The following TNS2 variants were observed in gnomAD, a reference collection of about 807,000 sequenced individuals.
TNS2 encodes the protein tensin 2.
TNS2 carries 77 observed loss-of-function variants against 155.7 expected under a neutral mutation model. The ratio of observed to expected loss-of-function variants is 0.49; its 90% CI spans 0.41 to 0.60. TNS2 has a LOEUF of 0.60. TNS2 is among the 20% of genes least tolerant of loss of function. The pLI is 0.00. For synonymous variants in TNS2, 726 were observed against 763.9 expected (o/e 0.95, Z 0.82); for missense variants, 1,703 against 1,868.8 (o/e 0.91, Z 1.64).
intron 6 of TNS2, 43 bp downstream of exon 6, chr12:53,054,057 G>A: frequency 6.2e-7 from 1 of 1,612,920 alleles, no homozygotes; most frequent in South Asian, 1.1e-5. Context: ...CCCCCTTTCC[G>A]CCGGCCCCAC....
rs1288173339 is a variant in TNS2 at position 53,063,034 on chromosome 12, TG to T, written c.3824-50del. On this transcript the variant is annotated intron_variant, in intron 25 of 28. Transcript: ENST00000314250. The surrounding 1 kb of genome is among the most constrained non-coding windows in gnomAD (Gnocchi z 5.6). ...TAGCTGGGGAATGTGCAAGAGCTGG[TG>T]GGGGTGGCTAGGGGATGGGCACTCC... The T allele has an allele frequency of 1.3e-6, 2 of 1,502,680 alleles. No homozygotes were observed. Among genetic ancestry groups the T allele is most frequent in the African/African-American group, 1.4e-5 (1 of 71,504 alleles). 93.1% of individuals were successfully genotyped at this position (1,502,680 alleles called of 1,614,324 possible).
chr12:53,058,031 A>G lies in TNS2; in HGVS notation c.1024A>G (p.Ile342Val). 2 of 1,613,976 alleles carry G rather than the reference A, an allele frequency of 1.2e-6. No individual in the cohort carries two copies. Among genetic ancestry groups the G allele is most frequent in the Non-Finnish European group, 8.5e-7 (1 of 1,180,002 alleles). The part of the protein sequence containing the change: ...QLVYTSGVYH[I>V]AGPGPQQLCI... Reference sequence around the variant, plus strand: ...CCTTCTCCTCTCTCCCCACAGTCACATTGCAGGCCCTGGTCCCCAGCAGCT... The same window carrying G: ...CCTTCTCCTCTCTCCCCACAGTCACGTTGCAGGCCCTGGTCCCCAGCAGCT... Residue 342 changes from isoleucine (I) to valine (V), a missense_variant, in exon 14 of 29, where the codon ATT (isoleucine) becomes GTT (valine). Ile to Val is a conservative substitution (Grantham distance 29). Transcript: ENST00000314250.
chr12:53,063,169 G>C lies in TNS2; in HGVS notation c.3904G>C (p.Ala1302Pro), dbSNP rs1944437479. Residue 1302 changes from alanine (A) to proline (P), a missense_variant, in exon 26 of 29, where the codon GCT becomes CCT. Physicochemically the swap from Ala to Pro is conservative, Grantham distance 27. Coordinates refer to ENST00000314250, the MANE Select transcript of TNS2 (RefSeq NM_170754.4). This position sits in a 1 kb window ranked among gnomAD's most constrained non-coding sequence, Gnocchi z 5.6. The stretch of plus-strand genomic sequence containing the variant: ...AGCTGTGGCCCGGGCCAGCTCTGCA[G>C]CTCTGAGCTGTAGCCCCCGCCCGAC... ...PQAVARASSA[A>P]LSCSPRPTPA... The C allele has an allele frequency of 1.2e-6, 2 of 1,611,832 alleles. No homozygotes were observed. The highest frequency in any genetic ancestry group is 1.7e-6 in the Non-Finnish European group (2 of 1,179,328).
chr12:53,054,189 C>T (rs559387049), intron 6 of TNS2, 81 bp from the exon 7 acceptor site: 3 of 1,596,442 alleles, frequency 1.9e-6, no homozygotes, highest in African/African-American at 1.3e-5. Context: ...TCACCTGCTG[C>T]CCAACAGACA....
At chr12:53,053,649 C>A in intron 4 of TNS2, 125 bp from the exon 5 acceptor site, 1 of 1,447,216 alleles carries the variant, frequency 6.9e-7, no homozygotes, top group Non-Finnish European at 9.4e-7. Context: ...TAGGACTCCT[C>A]TCCCCTTATC....
chr12:53,047,232 C>A (rs1445800687), upstream of TNS2, among the ~76,000 whole-genome samples: 1 of 142,912 alleles, frequency 7.0e-6, no homozygotes, highest in East Asian at 2.1e-4. Flanking sequence ...CAGCCGAGCC[C>A]GGCCGCCCGC....
chr12:53,060,748 C>G lies in TNS2; in HGVS notation c.2842C>G (p.Pro948Ala). ...QRLSPGEALP[P>A]VSQAGTGKAP... ...ACTGAGTCCTGGCGAGGCCTTGCCC[C>G]CTGTTTCCCAGGCAGGCACCGGAAA... The change falls in exon 20 of 29, where the codon CCT becomes GCT. Residue 948 changes from proline (P) to alanine (A), a missense_variant. Pro to Ala is a conservative substitution (Grantham distance 27, BLOSUM62 -1). Transcript: ENST00000314250. The surrounding 1 kb of genome is among the most constrained non-coding windows in gnomAD (Gnocchi z 6.1). The G allele has an allele frequency of 6.2e-7, 1 of 1,611,256 alleles. No individual in the cohort carries two copies. The highest frequency in any genetic ancestry group is 8.5e-7 in the Non-Finnish European group (1 of 1,178,372).
In TNS2 at chr12:53,062,889, C is replaced by A. The variant is rs180980657; in HGVS notation, c.3823+192C>A. ...GGTTCTCAAAGTCTCATGAACAAGA[C>A]GATCATGGGGTGGTAGCAGGGAGGC... On this transcript the variant is annotated intron_variant, in intron 25 of 28. Coordinates refer to ENST00000314250, the MANE Select transcript of TNS2 (RefSeq NM_170754.4). The A allele has an allele frequency of 2.0e-4, 184 of 923,014 alleles. No homozygotes were observed. The African/African-American group carries it at 2.7e-3, about 14-fold the overall frequency. The allele number at this position is 923,014 out of a possible 1,614,324, so 57.2% of individuals were successfully genotyped here. A position where few individuals can be genotyped will look rare whatever the true frequency, so the allele number is the denominator to read the frequency against.
intron 6 of TNS2, 122 bp downstream of exon 6, chr12:53,054,136 C>G: frequency 6.4e-7 from 1 of 1,551,930 alleles, no homozygotes; most frequent in Non-Finnish European, 8.8e-7. Flanking sequence ...AAGCGGTATT[C>G]TCCCTCCAGA....
chr12:53,055,436 C>T (rs889275139), intron 8 of TNS2, 132 bp from the exon 9 acceptor site: 30 of 1,264,042 alleles, frequency 2.4e-5, no homozygotes, highest in East Asian at 9.4e-5. Flanking sequence ...AGGAAAGTGC[C>T]GAGGCTATCA....
intron 21 of TNS2, 43 bp from the exon 22 acceptor site, chr12:53,061,772 T>G: frequency 6.3e-7 from 1 of 1,586,984 alleles, no homozygotes; most frequent in Non-Finnish European, 8.6e-7. Flanking sequence ...AGTCCACCCC[T>G]GTGAAAACTC....
chr12:53,063,045 A>G lies in TNS2; in HGVS notation c.3824-44A>G. On this transcript the variant is annotated intron_variant, in intron 25 of 28. Coordinates refer to ENST00000314250, the MANE Select transcript of TNS2 (RefSeq NM_170754.4). This position sits in a 1 kb window ranked among gnomAD's most constrained non-coding sequence, Gnocchi z 5.6. ...TGTGCAAGAGCTGGTGGGGGTGGCT[A>G]GGGGATGGGCACTCCCTCCCTGACC... 1 of 1,505,132 alleles carries G rather than the reference A, an allele frequency of 6.6e-7. No homozygotes were observed. Among genetic ancestry groups the G allele is most frequent in the Non-Finnish European group, 8.8e-7 (1 of 1,130,386 alleles). 93.2% of individuals were successfully genotyped at this position (1,505,132 alleles called of 1,614,324 possible).
chr12:53,061,405 C>T lies in TNS2; in HGVS notation c.3384C>T (p.Ser1128=), dbSNP rs140594226. Residue 1128 remains serine (S), a synonymous_variant, in exon 21 of 29, where the codon AGC becomes AGT. Transcript: ENST00000314250. Reference sequence around the variant, plus strand: ...AGCCTCCTACACAAGAGAGCCAAAGCAATGTCAAGTTTGTCCAGGATACAT... The same window carrying T: ...AGCCTCCTACACAAGAGAGCCAAAGTAATGTCAAGTTTGTCCAGGATACAT... The part of the protein sequence containing the change: ...TPEPPTQESQ[S]NVKFVQDTSK... 3 of 1,614,046 alleles carry T rather than the reference C, an allele frequency of 1.9e-6. No homozygotes were observed. Among genetic ancestry groups the T allele is most frequent in the Non-Finnish European group, 2.5e-6 (3 of 1,179,986 alleles).
rs1009568614 is a variant in TNS2 at position 53,062,227 on chromosome 12, C to T, written c.3649C>T (p.Pro1217Ser). Residue 1217 changes from proline (P) to serine (S), a missense_variant, in exon 23 of 29, where the codon CCC becomes TCC. Physicochemically the swap from Pro to Ser is moderately conservative, Grantham distance 74. Transcript: ENST00000314250. ...CAAAGGGGTGAAGATCAAGGGCTGC[C>T]CCAGTGAGCCCTACTTTGGTGAGAA... ...GPKGVKIKGC[P>S]SEPYFGSLSA... is the part of the protein sequence containing the mutation. 1 of 1,613,932 alleles carries T rather than the reference C, an allele frequency of 6.2e-7. No homozygotes were observed. The highest frequency in any genetic ancestry group is 1.3e-5 in the African/African-American group (1 of 74,898).
upstream of TNS2, among the ~76,000 whole-genome samples, chr12:53,047,441 G>T (rs1200271121): frequency 6.9e-6 from 1 of 145,628 alleles, no homozygotes; most frequent in East Asian, 2.0e-4. Flanking sequence ...AGTGCCAGGG[G>T]CGGGCGCCAG....
Position 53,060,531 on chromosome 12 carries a change from G to GCAGTC in TNS2, c.2753_2757dup (p.Gly920SerfsTer23). ...GGTCCCTCCACGCCCCTGCACACCA[G>GCAGTC]CAGTCCAGTCCAGGGCAAGGAAAGG... is the stretch of plus-strand genomic sequence containing the variant. On this transcript the variant is annotated frameshift_variant, in exon 19 of 29. Coordinates refer to ENST00000314250, the MANE Select transcript of TNS2 (RefSeq NM_170754.4). LOFTEE classifies it high-confidence loss of function. This position sits in a 1 kb window ranked among gnomAD's most constrained non-coding sequence, Gnocchi z 6.1. The GCAGTC allele has an allele frequency of 6.2e-7, 1 of 1,613,706 alleles. No individual in the cohort carries two copies. The highest frequency in any genetic ancestry group is 8.5e-7 in the Non-Finnish European group (1 of 1,179,980).
Position 53,060,824 on chromosome 12 carries a change from C to T in TNS2, c.2918C>T (p.Pro973Leu), listed in dbSNP as rs143336823. 1,031 of 1,609,048 alleles carry T rather than the reference C, an allele frequency of 6.4e-4. 9 individuals carry two copies. The African/African-American group carries it at 0.01, about 16-fold the overall frequency. The change falls in exon 20 of 29, where the codon CCA (proline) becomes CTA (leucine). Residue 973 changes from proline (P) to leucine (L), a missense_variant. Coordinates refer to ENST00000314250, the MANE Select transcript of TNS2 (RefSeq NM_170754.4). The surrounding 1 kb of genome is among the most constrained non-coding windows in gnomAD (Gnocchi z 6.1). ...GSGPEPLAPS[P>L]VSPTFPPSSP... ...GGGCCTGAGCCTCTGGCCCCTAGCCCAGTCTCTCCGACCTTCCCTCCCAGC... is the reference window on the plus strand; with the variant it reads ...GGGCCTGAGCCTCTGGCCCCTAGCCTAGTCTCTCCGACCTTCCCTCCCAGC...
At chr12:53,062,316 T>C in intron 23 of TNS2, 60 bp from the exon 24 acceptor site, 1 of 1,612,754 alleles carries the variant, frequency 6.2e-7, no homozygotes, top group Non-Finnish European at 8.5e-7. Context: ...CTCAGGAGGA[T>C]GGAAGGGAAA....
Position 53,058,825 on chromosome 12 carries a change from A to G in TNS2, c.1403A>G (p.Asp468Gly). The G allele has an allele frequency of 1.2e-6, 2 of 1,613,136 alleles. No individual in the cohort carries two copies. The highest frequency in any genetic ancestry group is 8.5e-7 in the Non-Finnish European group (1 of 1,179,862). ...AACCAGCACCACGAGGACAGTGTGG[A>G]TGGTGCGCAGGCAGCCTGCAGGGTG... ...NFNQHHEDSV[D>G]GSLTHTRGPL... Residue 468 changes from aspartate to glycine, a missense_variant and splice_region_variant, in exon 17 of 29, where the codon GAT (aspartate) becomes GGT (glycine). Physicochemically the swap from Asp to Gly is moderately conservative, Grantham distance 94. Transcript: ENST00000314250.
Sources: allele counts gnomAD v4.1 joint callset (sites outside exome capture counted in the v4.1 genomes callset), GRCh38; gene constraint gnomAD v4.1.1; non-coding constraint Gnocchi (gnomAD v3.1); transcripts MANE v1.5; gene names NCBI Gene and HGNC (gene_info 2026-07-23, HGNC 2026-07-21).